NMNAT2: variants seen among roughly 807,000 people sequenced by gnomAD.
NMNAT2 encodes nicotinamide/nicotinic acid mononucleotide adenylyltransferase 2.
Under a neutral mutation model 41.6 loss-of-function variants are expected in NMNAT2, and 11 were observed. That is an observed-to-expected ratio of 0.26 (90% CI 0.17 to 0.44). NMNAT2 has a LOEUF of 0.44. NMNAT2 is among the 20% of genes least tolerant of loss of function. NMNAT2 has a pLI of 1.00. For missense variants in NMNAT2, 288 were observed against 407.7 expected, an observed-to-expected ratio of 0.71 and a Z score of 2.53; for synonymous variants, 148 against 151.2, an observed-to-expected ratio of 0.98 and a Z score of 0.16.
In NMNAT2 at chr1:183,381,474, T is replaced by A. The variant is rs538262837; in HGVS notation, c.85+36709A>T. ...ACTTTGGGAGGCTGAGGCAGATGGATAACTTGAGGTCAGGAGTTCAAGACC... is the reference window on the plus strand; with the variant it reads ...ACTTTGGGAGGCTGAGGCAGATGGAAAACTTGAGGTCAGGAGTTCAAGACC... On this transcript the variant is annotated intron_variant, in intron 1 of 10. Coordinates refer to ENST00000287713, the MANE Select transcript of NMNAT2 (RefSeq NM_015039.4). 2.0e-5 allele frequency among the ~76,000 whole-genome samples: 3 copies of A among 152,298 alleles called. No homozygotes were observed. The South Asian group carries it at 6.2e-4, about 32-fold the overall frequency.
intron 1 of NMNAT2, among the ~76,000 whole-genome samples, chr1:183,397,450 AAG>A (rs769899723): frequency 9.6e-4 from 146 of 152,340 alleles, no homozygotes; most frequent in Admixed American, 5.7e-3. Context: ...GTGTGCCTAA[AAG>A]TGATGGGGAG....
chr1:183,324,721 A>G (rs1049157040), intron 1 of NMNAT2, among the ~76,000 whole-genome samples: 3 of 152,128 alleles, frequency 2.0e-5, no homozygotes, highest in African/African-American at 7.2e-5. Context: ...TCACTTTCCA[A>G]GTGGTTTCCC....
At chr1:183,321,467 G>A (rs1003880106) in intron 1 of NMNAT2, among the ~76,000 whole-genome samples, 17 of 152,146 alleles carry the variant, frequency 1.1e-4, no homozygotes, top group Admixed American at 4.6e-4. Context: ...TTGGCCAGGC[G>A]CGGTGGCTCA....
chr1:183,398,498 TCAA>T (rs1167580485), intron 1 of NMNAT2, among the ~76,000 whole-genome samples: 3 of 152,150 alleles, frequency 2.0e-5, no homozygotes, highest in Admixed American at 6.5e-5. Context: ...ATTAGACAGA[TCAA>T]CGAGACAGGA....
intron 1 of NMNAT2, among the ~76,000 whole-genome samples, chr1:183,397,211 T>C (rs1479080995): frequency 6.6e-6 from 1 of 152,118 alleles, no homozygotes; most frequent in Non-Finnish European, 1.5e-5. Flanking sequence ...CATGACAGTG[T>C]CAAGATCCTG....
intron 1 of NMNAT2, among the ~76,000 whole-genome samples, chr1:183,306,334 A>AT (rs1287287355): frequency 2.6e-5 from 4 of 152,134 alleles, no homozygotes; most frequent in Admixed American, 6.5e-5. Flanking sequence ...AAAAGAATGG[A>AT]TTTTTCCAGA....
intron 1 of NMNAT2, among the ~76,000 whole-genome samples, chr1:183,301,641 G>C (rs570059297): frequency 1.3e-5 from 2 of 152,316 alleles, no homozygotes; most frequent in Admixed American, 1.3e-4. Context: ...AGGGTCCACT[G>C]TGTCTCATGG....
At chr1:183,320,968 A>T (rs1206729648) in intron 1 of NMNAT2, among the ~76,000 whole-genome samples, 1 of 152,192 alleles carries the variant, frequency 6.6e-6, no homozygotes, top group Non-Finnish European at 1.5e-5. Flanking sequence ...TTGGCAAGCA[A>T]TTCTAGTCCT....
chr1:183,386,216 T>C (rs1413772918), intron 1 of NMNAT2, among the ~76,000 whole-genome samples: 2 of 152,128 alleles, frequency 1.3e-5, no homozygotes, highest in African/African-American at 4.8e-5. Context: ...ATGGAAGATC[T>C]GTGAACAAAG....
chr1:183,308,016 A>G (rs1300068119), intron 1 of NMNAT2, among the ~76,000 whole-genome samples: 1 of 152,222 alleles, frequency 6.6e-6, no homozygotes, highest in African/African-American at 2.4e-5. Context: ...AGCTGCATGC[A>G]GGAACGTCAG....
At chr1:183,282,932 G>C (rs994275694) in intron 7 of NMNAT2, 1 of 152,056 alleles carries the variant, frequency 6.6e-6, no homozygotes, top group Non-Finnish European at 1.5e-5. Context: ...TTAATTTTTA[G>C]TAATGGCTCT....
intron 1 of NMNAT2, among the ~76,000 whole-genome samples, chr1:183,311,722 T>TACACACAC (rs61005402): frequency 1.8e-4 from 26 of 144,306 alleles, no homozygotes; most frequent in East Asian, 8.0e-4. Flanking sequence ...GTCCAGTCCC[T>TACACACAC]ACACACACAC....
intron 2 of NMNAT2, 25 bp from the exon 3 acceptor site, chr1:183,292,882 G>A (rs1661579936): frequency 6.2e-7 from 1 of 1,610,914 alleles, no homozygotes; most frequent in Non-Finnish European, 8.5e-7. Flanking sequence ...AGCAATCATT[G>A]GGAGACTCCC....
intron 1 of NMNAT2, among the ~76,000 whole-genome samples, chr1:183,395,647 C>A (rs1648617495): frequency 6.6e-6 from 1 of 152,010 alleles, no homozygotes; most frequent in Non-Finnish European, 1.5e-5. Context: ...AGCACTGGGA[C>A]CCAAGGTGAG....
At chr1:183,357,304 A>C (rs1428763042) in intron 1 of NMNAT2, among the ~76,000 whole-genome samples, 2 of 133,572 alleles carry the variant, frequency 1.5e-5, no homozygotes, top group Non-Finnish European at 3.0e-5. Flanking sequence ...ATCTTGGCTC[A>C]CTGCAAGCTC....
intron 1 of NMNAT2, among the ~76,000 whole-genome samples, chr1:183,302,861 C>T (rs562969946): frequency 6.6e-6 from 1 of 152,238 alleles, no homozygotes; most frequent in South Asian, 2.1e-4. Flanking sequence ...CTTGTTTTCC[C>T]CACTCCCTCT....
intron 1 of NMNAT2, among the ~76,000 whole-genome samples, chr1:183,373,619 CTTT>C (rs35164473): frequency 1.1e-4 from 16 of 140,444 alleles, no homozygotes; most frequent in South Asian, 2.3e-4. Flanking sequence ...GAACTTTATT[CTTT>C]TTTTTTTTTT....
At chr1:183,279,231 C>T (rs1280285923) in intron 7 of NMNAT2, among the ~76,000 whole-genome samples, 1 of 152,190 alleles carries the variant, frequency 6.6e-6, no homozygotes, top group Non-Finnish European at 1.5e-5. Context: ...CACCCAGGCG[C>T]ACTTCCTGCT....
intron 1 of NMNAT2, among the ~76,000 whole-genome samples, chr1:183,297,091 T>C (rs1463188263): frequency 6.6e-6 from 1 of 150,524 alleles, no homozygotes; most frequent in Non-Finnish European, 1.5e-5. Flanking sequence ...AGCACTTCAT[T>C]CAAACCCAGC....
Sources: allele counts gnomAD v4.1 joint callset (sites outside exome capture counted in the v4.1 genomes callset), GRCh38; gene constraint gnomAD v4.1.1; transcripts MANE v1.5; gene names NCBI Gene and HGNC (gene_info 2026-07-23, HGNC 2026-07-21).